EFHD1: variants seen among roughly 807,000 people sequenced by gnomAD.
The protein encoded by EFHD1 is EF-hand domain family member D1, also known as EF-hand domain-containing protein D1.
In EFHD1, 10 loss-of-function variants were observed where a neutral mutation model predicts 17.2. The observed-to-expected ratio is 0.58, with a 90% confidence interval of 0.36 to 0.99. EFHD1 has a LOEUF of 0.99. Ranked by LOEUF, EFHD1 falls within the 50% of genes least tolerant of loss-of-function variation. EFHD1 has a pLI of 0.01. For synonymous variants in EFHD1, 153 were observed against 142.0 expected (o/e 1.08, Z -0.55); for missense variants, 310 against 327.5 (o/e 0.95, Z 0.41).
intron 1 of EFHD1, among the ~76,000 whole-genome samples, chr2:232,619,846 T>C (rs1029234698): frequency 2.0e-5 from 3 of 151,860 alleles, no homozygotes; most frequent in African/African-American, 7.3e-5. Flanking sequence ...CATTGAGCTA[T>C]GATCCTATGA....
At chr2:232,622,187 GC>G (rs1196428073) in intron 1 of EFHD1, among the ~76,000 whole-genome samples, 2 of 152,318 alleles carry the variant, frequency 1.3e-5, no homozygotes, top group East Asian at 3.9e-4. Flanking sequence ...GACATCTGGG[GC>G]CGGGCATGGT....
rs3738905 is a variant in EFHD1 at position 232,681,854 on chromosome 2, G to A, written c.*135G>A. 46,760 of 1,362,082 alleles carry A rather than the reference G, an allele frequency of 0.034. 1,726 individuals are homozygous for A. The highest frequency in any genetic ancestry group is 0.21 in the East Asian group (8,000 of 38,518). The allele number at this position is 1,362,082 out of a possible 1,614,324, so 84.4% of individuals were successfully genotyped here. On this transcript the variant is annotated 3_prime_UTR_variant, in exon 4 of 4. Coordinates refer to ENST00000264059, the MANE Select transcript of EFHD1 (RefSeq NM_025202.4). ...CATCCACCACCCCGTGCCAGCTCCC[G>A]TGCCAGCCTTCATTCCTCCCAGTGT...
rs1489109850 is a variant in EFHD1, at chr2:232,613,739, CACAT to C, written c.14+7570_14+7573del. Among the ~76,000 whole-genome samples the C allele has an allele frequency of 6.6e-5, 10 of 150,558 alleles. No individual in the cohort carries two copies. In the East Asian group the frequency reaches 1.6e-3, roughly 24 times the overall value. ...AAATATACACACACATATACGCACA[CACAT>C]ACACACACAAATACGCACACACATA... On this transcript the variant is annotated intron_variant, in intron 1 of 3. Coordinates refer to the EFHD1 transcript ENST00000409613.
chr2:232,644,537 G>C (rs1171443911), intron 1 of EFHD1, among the ~76,000 whole-genome samples: 1 of 151,176 alleles, frequency 6.6e-6, no homozygotes, highest in African/African-American at 2.4e-5. Context: ...TTTTGAGACA[G>C]AGTCTCACTC....
intron 2 of EFHD1, among the ~76,000 whole-genome samples, chr2:232,671,422 G>A (rs1473201042): frequency 6.6e-6 from 1 of 151,936 alleles, no homozygotes; most frequent in East Asian, 1.9e-4. Flanking sequence ...GCGAGACCCT[G>A]TCTCAAGAAA....
chr2:232,665,814 G>A (rs1418640462), intron 2 of EFHD1, among the ~76,000 whole-genome samples: 1 of 152,212 alleles, frequency 6.6e-6, no homozygotes, highest in Non-Finnish European at 1.5e-5. Context: ...GGAGCTGGGA[G>A]TAGAGGACTG....
At chr2:232,643,197 A>G (rs994079048) in intron 1 of EFHD1, among the ~76,000 whole-genome samples, 1 of 152,028 alleles carries the variant, frequency 6.6e-6, no homozygotes, top group African/African-American at 2.4e-5. Flanking sequence ...AAGTGAAAAA[A>G]AAAAAGAAAA....
rs1574729587 is a variant in EFHD1, at chr2:232,665,132, C to T, written c.450+2183C>T. 2.6e-5 allele frequency among the ~76,000 whole-genome samples: 4 copies of T among 152,244 alleles called. No homozygotes were observed. In the South Asian group the frequency reaches 6.2e-4, roughly 24 times the overall value. On this transcript the variant is annotated intron_variant, in intron 2 of 3. Coordinates refer to ENST00000264059, the MANE Select transcript of EFHD1 (RefSeq NM_025202.4). ...TTATTCTGTGCCTGTGGAGCCCCCT[C>T]ACCAATAGTCCAAGAATGGACTTGG...
At chr2:232,613,460 CAG>C (rs1273792918) in intron 1 of EFHD1, among the ~76,000 whole-genome samples, 2 of 152,060 alleles carry the variant, frequency 1.3e-5, no homozygotes, top group Non-Finnish European at 2.9e-5. Flanking sequence ...GACTCAAACA[CAG>C]AGACGAAAAT....
intron 1 of EFHD1, among the ~76,000 whole-genome samples, chr2:232,616,400 G>A (rs1324072232): frequency 6.6e-6 from 1 of 152,116 alleles, no homozygotes; most frequent in Non-Finnish European, 1.5e-5. Flanking sequence ...CCGGGTTCAA[G>A]CAGTTCTCCT....
chr2:232,648,307 G>A (rs1438508919), intron 1 of EFHD1, among the ~76,000 whole-genome samples: 3 of 152,112 alleles, frequency 2.0e-5, no homozygotes, highest in South Asian at 2.1e-4. Context: ...AAAACTTTGG[G>A]TCAAAGCTTT....
In EFHD1 at chr2:232,633,913, C is replaced by T. The variant is rs779727956; in HGVS notation, c.209C>T (p.Ala70Val). ...SRRLDINEGA[A>V]RPRRCRVFNP... ...CGGCTGGACATCAACGAGGGCGCTGCGCGGCCCCGGCGCTGCAGGGTCTTC... is the reference window on the plus strand; with the variant it reads ...CGGCTGGACATCAACGAGGGCGCTGTGCGGCCCCGGCGCTGCAGGGTCTTC... The change falls in exon 1 of 4, where the codon GCG becomes GTG. Residue 70 changes from alanine (A) to valine (V), a missense_variant. Ala to Val is a moderately conservative substitution (Grantham distance 64, BLOSUM62 0). Transcript: ENST00000264059. 15 of 1,584,232 alleles carry T rather than the reference C, an allele frequency of 9.5e-6. No homozygotes were observed. Among genetic ancestry groups the T allele is most frequent in the African/African-American group, 4.1e-5 (3 of 73,044 alleles).
intron 1 of EFHD1, among the ~76,000 whole-genome samples, chr2:232,616,979 G>T (rs111709726): frequency 0.037 from 5,624 of 152,290 alleles, 131 homozygotes; most frequent in South Asian, 0.08. Flanking sequence ...TCATCTGGAG[G>T]CGACCCTAGT....
intron 1 of EFHD1, among the ~76,000 whole-genome samples, chr2:232,618,508 G>A (rs62191608): frequency 0.22 from 32,805 of 151,906 alleles, 4,125 homozygotes; most frequent in East Asian, 0.58. Flanking sequence ...GATCACATGA[G>A]TCCAGGAGTT....
At chr2:232,633,575 C>A, upstream of EFHD1, 2 of 1,304,958 alleles carry the variant, frequency 1.5e-6, no homozygotes, top group Middle Eastern at 5.8e-4. Flanking sequence ...CTCAGACCCT[C>A]CCAACCGCCG....
intron 1 of EFHD1, among the ~76,000 whole-genome samples, chr2:232,646,837 C>T (rs1574717164): frequency 6.6e-6 from 1 of 152,268 alleles, no homozygotes; most frequent in Admixed American, 6.5e-5. Flanking sequence ...AGTGGCTAAC[C>T]TCTTCCTGCA....
At chr2:232,627,117 G>A (rs897690116) in intron 1 of EFHD1, among the ~76,000 whole-genome samples, 1 of 141,866 alleles carries the variant, frequency 7.0e-6, no homozygotes. Flanking sequence ...TGTAGTCCCA[G>A]CTACTAGGGA....
At chr2:232,675,306 C>A (rs759848093) in intron 3 of EFHD1, among the ~76,000 whole-genome samples, 4 of 152,130 alleles carry the variant, frequency 2.6e-5, no homozygotes, top group Non-Finnish European at 5.9e-5. Flanking sequence ...ACTGGGCCAG[C>A]ACTTGCCACC....
rs564263299 is a variant in EFHD1 at position 232,638,178 on chromosome 2, G to A, written c.302+4172G>A. The A allele has an allele frequency of 1.3e-3, 447 of 354,450 alleles. 3 individuals are homozygous for A. The highest frequency in any genetic ancestry group is 9.1e-3 in the African/African-American group (427 of 46,874). 22.0% of individuals were successfully genotyped at this position (354,450 alleles called of 1,614,324 possible). A position where few individuals can be genotyped will look rare whatever the true frequency, so the allele number is the denominator to read the frequency against. On this transcript the variant is annotated intron_variant, in intron 1 of 3. Transcript: ENST00000264059. ...GTATCCGTGGCTGTAACGTGAGCTGGTGGAGCAGTCAAGGTTAGACAGGAA... is the reference window on the plus strand; with the variant it reads ...GTATCCGTGGCTGTAACGTGAGCTGATGGAGCAGTCAAGGTTAGACAGGAA...
Sources: allele counts gnomAD v4.1 joint callset (sites outside exome capture counted in the v4.1 genomes callset), GRCh38; gene constraint gnomAD v4.1.1; transcripts MANE v1.5; gene names NCBI Gene and HGNC (gene_info 2026-07-23, HGNC 2026-07-21).